The following EPHA6 variants were observed in gnomAD, a reference collection of about 807,000 sequenced individuals.
EPHA6 encodes ephrin type-A receptor 6.
EPHA6 carries 50 observed loss-of-function variants against 112.0 expected under a neutral mutation model. That is an observed-to-expected ratio of 0.45 (90% CI 0.36 to 0.56). EPHA6 has a LOEUF of 0.56. Ranked by LOEUF, EPHA6 falls within the 20% of genes least tolerant of loss-of-function variation. The pLI, the probability that EPHA6 is intolerant of heterozygous loss-of-function variation, is 0.00. For synonymous variants in EPHA6, 529 were observed against 490.7 expected, an observed-to-expected ratio of 1.08 and a Z score of -1.03; for missense variants, 1,280 against 1,417.4, an observed-to-expected ratio of 0.90 and a Z score of 1.56.
At chr3:97,053,425 A>T (rs1559696757) in intron 3 of EPHA6, among the ~76,000 whole-genome samples, 1 of 152,254 alleles carries the variant, frequency 6.6e-6, no homozygotes, top group Middle Eastern at 3.4e-3. Flanking sequence ...GAATTAAAGG[A>T]AAGTATAGGA....
intron 3 of EPHA6, among the ~76,000 whole-genome samples, chr3:96,988,757 A>G (rs992860885): frequency 1.3e-4 from 20 of 152,122 alleles, no homozygotes; most frequent in Non-Finnish European, 2.8e-4. Context: ...TATTTATGTG[A>G]CATCTAATTG....
intron 3 of EPHA6, among the ~76,000 whole-genome samples, chr3:97,046,206 T>C (rs1234186711): frequency 6.6e-6 from 1 of 152,136 alleles, no homozygotes; most frequent in African/African-American, 2.4e-5. Context: ...TTAAGCACAA[T>C]GATGTGCAAA....
chr3:97,483,970 A>G lies in EPHA6; in HGVS notation c.2111A>G (p.Asp704Gly). The change falls in exon 10 of 18, where the codon GAT (aspartate) becomes GGT (glycine). Residue 704 changes from aspartate (D) to glycine (G), a missense_variant. Asp to Gly is a moderately conservative substitution (Grantham distance 94). Around this residue, in one of 4 missense-constraint regions of EPHA6, gnomAD observed 878 missense variants for 999.7 expected, o/e 0.88. Transcript: ENST00000389672. ...FPGIKTYIDPDTYEDPSLAVH... is the reference protein window; with the variant it reads ...FPGIKTYIDPGTYEDPSLAVH... ...GGAATTAAAACTTACATTGATCCAG[A>G]TACATATGAAGACCCATCCCTAGCA... 6.2e-7 allele frequency: 1 copy of G among 1,607,412 alleles called. No homozygotes were observed. The highest frequency in any genetic ancestry group is 8.5e-7 in the Non-Finnish European group (1 of 1,177,054).
intron 3 of EPHA6, among the ~76,000 whole-genome samples, chr3:97,135,078 G>T (rs527545049): frequency 6.6e-6 from 1 of 152,178 alleles, no homozygotes; most frequent in East Asian, 1.9e-4. Flanking sequence ...TACCAAAGTG[G>T]CATATTGAGA....
At chr3:97,122,916 G>A (rs1419689372) in intron 3 of EPHA6, among the ~76,000 whole-genome samples, 1 of 151,994 alleles carries the variant, frequency 6.6e-6, no homozygotes, top group Non-Finnish European at 1.5e-5. Flanking sequence ...TAATGTTGGA[G>A]TGTTTGAAAA....
chr3:97,492,804 G>C (rs1029227589), intron 10 of EPHA6, among the ~76,000 whole-genome samples: 46 of 151,992 alleles, frequency 3.0e-4, no homozygotes, highest in African/African-American at 1.1e-3. Flanking sequence ...TACTGTTAAA[G>C]ATAAGGATTG....
chr3:97,337,002 T>C lies in EPHA6; in HGVS notation c.1607-68148T>C, dbSNP rs147577548. Among the ~76,000 whole-genome samples, 26 of 152,078 alleles carry C rather than the reference T, an allele frequency of 1.7e-4. No individual in the cohort carries two copies. The East Asian group carries it at 4.8e-3, about 28-fold the overall frequency. ...ATGAAAAAGAGTAGTAAAAAATCGATATTTCATAAAACTCACCATTATACA... is the reference window on the plus strand; with the variant it reads ...ATGAAAAAGAGTAGTAAAAAATCGACATTTCATAAAACTCACCATTATACA... On this transcript the variant is annotated intron_variant, in intron 5 of 17. Coordinates refer to ENST00000389672, the MANE Select transcript of EPHA6 (RefSeq NM_001080448.3).
At chr3:96,842,599 A>G (rs2034816036) in intron 1 of EPHA6, among the ~76,000 whole-genome samples, 1 of 152,090 alleles carries the variant, frequency 6.6e-6, no homozygotes, top group South Asian at 2.1e-4. Flanking sequence ...TTTCAGCTTT[A>G]TGCTGACATT....
intron 14 of EPHA6, among the ~76,000 whole-genome samples, chr3:97,655,425 T>A (rs905039186): frequency 5.3e-5 from 8 of 151,972 alleles, no homozygotes; most frequent in Middle Eastern, 3.4e-3. Context: ...CAGTTGAAAG[T>A]CTTTGAAGGT....
intron 14 of EPHA6, among the ~76,000 whole-genome samples, chr3:97,718,962 T>C (rs1015033218): frequency 4.0e-5 from 6 of 151,872 alleles, no homozygotes; most frequent in Non-Finnish European, 7.4e-5. Flanking sequence ...CAAGGTGTTT[T>C]CCCCAAGGTT....
At chr3:96,924,219 A>G (rs991569837) in intron 2 of EPHA6, among the ~76,000 whole-genome samples, 3 of 152,160 alleles carry the variant, frequency 2.0e-5, no homozygotes, top group African/African-American at 7.2e-5. Flanking sequence ...ATAGCCTTGA[A>G]TCTATAAATT....
intron 5 of EPHA6, among the ~76,000 whole-genome samples, chr3:97,268,705 AC>A (rs2079779850): frequency 6.6e-6 from 1 of 152,158 alleles, no homozygotes; most frequent in Non-Finnish European, 1.5e-5. Flanking sequence ...ATTTACTTAT[AC>A]TTGAATGTTT....
intron 3 of EPHA6, among the ~76,000 whole-genome samples, chr3:97,128,801 A>G (rs2048253393): frequency 6.6e-6 from 1 of 151,288 alleles, no homozygotes; most frequent in Non-Finnish European, 1.5e-5. Context: ...ATTACAGGCC[A>G]CTGCCGGTGC....
intron 4 of EPHA6, among the ~76,000 whole-genome samples, chr3:97,228,677 T>C (rs963755328): frequency 1.3e-5 from 2 of 152,152 alleles, no homozygotes; most frequent in Non-Finnish European, 2.9e-5. Context: ...TGTGCTCCTA[T>C]AAACATGCAT....
chr3:96,900,126 G>A (rs920053455), intron 2 of EPHA6, among the ~76,000 whole-genome samples: 2 of 152,134 alleles, frequency 1.3e-5, no homozygotes, highest in Admixed American at 6.5e-5. Flanking sequence ...GGACACTTGA[G>A]CCTCCTAGCT....
intron 5 of EPHA6, among the ~76,000 whole-genome samples, chr3:97,342,139 C>A (rs1268941715): frequency 5.3e-5 from 8 of 152,080 alleles, no homozygotes; most frequent in Admixed American, 3.3e-4. Context: ...TCTTTTTCTC[C>A]CTTTTACTTT....
chr3:97,385,474 G>C (rs2086007390), intron 5 of EPHA6, among the ~76,000 whole-genome samples: 1 of 152,256 alleles, frequency 6.6e-6, no homozygotes, highest in East Asian at 1.9e-4. Context: ...ATTACACAGA[G>C]ATAATCATAA....
At chr3:96,838,589 GAAT>G (rs1217667258) in intron 1 of EPHA6, among the ~76,000 whole-genome samples, 2 of 151,856 alleles carry the variant, frequency 1.3e-5, no homozygotes, top group African/African-American at 4.8e-5. Flanking sequence ...GTGGTACCCA[GAAT>G]AATTATAATT....
intron 11 of EPHA6, chr3:97,590,193 A>G (rs2093530129): frequency 6.6e-6 from 1 of 152,152 alleles, no homozygotes; most frequent in African/African-American, 2.4e-5. Context: ...CAGTCCTTCT[A>G]TTTTGTTTGT....
Sources: gnomAD v4.1 joint callset for allele counts (sites outside exome capture counted in the v4.1 genomes callset) on GRCh38, gnomAD v4.1.1 for gene constraint, gnomAD v4.1.1 regional missense constraint, MANE v1.5 for transcripts, NCBI Gene and HGNC (gene_info 2026-07-23, HGNC 2026-07-21) for gene names.